Variants in MYO5B observed in about 807,000 individuals in gnomAD.
The protein encoded by MYO5B is myosin VB, also known as unconventional myosin-Vb.
In MYO5B, 143 loss-of-function variants were observed where a neutral mutation model predicts 229.3. That is an observed-to-expected ratio of 0.62 (90% CI 0.54 to 0.72). MYO5B has a LOEUF of 0.72. Ranked by LOEUF, MYO5B falls within the 30% of genes least tolerant of loss-of-function variation. The pLI is 0.00. For synonymous variants in MYO5B, 918 were observed against 885.2 expected (o/e 1.04, Z -0.66); for missense variants, 2,321 against 2,331.0 (o/e 1.00, Z 0.09).
intron 7 of MYO5B, among the ~76,000 whole-genome samples, chr18:49,989,972 C>T (rs1444570121): frequency 6.6e-6 from 1 of 152,200 alleles, no homozygotes; most frequent in African/African-American, 2.4e-5. Context: ...CATACTGCAT[C>T]CATATGGCTC....
intron 21 of MYO5B, among the ~76,000 whole-genome samples, chr18:49,901,858 A>G (rs911369825): frequency 1.3e-5 from 2 of 152,190 alleles, no homozygotes; most frequent in East Asian, 1.9e-4. Context: ...AGTGTCTTCA[A>G]TTGTACAAAA....
intron 4 of MYO5B, among the ~76,000 whole-genome samples, chr18:50,013,730 C>T (rs2026186584): frequency 6.6e-6 from 1 of 152,236 alleles, no homozygotes; most frequent in African/African-American, 2.4e-5. Flanking sequence ...TTCTACCCGA[C>T]TTCAAGATCA....
intron 1 of MYO5B, among the ~76,000 whole-genome samples, chr18:50,057,475 C>T (rs2030578637): frequency 1.3e-5 from 2 of 151,692 alleles, no homozygotes; most frequent in South Asian, 2.1e-4. Context: ...TTGTGTAGAT[C>T]CTGGAAGCCA....
chr18:49,963,402 TA>T (rs1423615731), intron 10 of MYO5B, among the ~76,000 whole-genome samples: 5 of 144,528 alleles, frequency 3.5e-5, no homozygotes, highest in Admixed American at 1.4e-4. Context: ...TTATTTAATT[TA>T]ATTAATTAAT....
chr18:49,883,966 G>T (rs372113300), intron 22 of MYO5B, among the ~76,000 whole-genome samples: 3 of 152,164 alleles, frequency 2.0e-5, no homozygotes, highest in African/African-American at 7.2e-5. Flanking sequence ...AACTCAAAAT[G>T]CATTAAAGAC....
Position 49,826,528 on chromosome 18 carries a change from G to A in MYO5B, c.5490C>T (p.Thr1830=), listed in dbSNP as rs771033104. The change falls in exon 40 of 40, where the codon ACC becomes ACT. Residue 1830 remains threonine (T), a synonymous_variant. Coordinates refer to ENST00000285039, the MANE Select transcript of MYO5B (RefSeq NM_001080467.3). ...ACGCTGGGATGTGGATTGAGTCCAT[G>A]GTTAGAGAAGATGGATTAAATGGAA... ...VLFPFNPSSL[T]MDSIHIPACL... is the part of the protein sequence containing the mutation. 2 of 1,614,032 alleles carry A rather than the reference G, an allele frequency of 1.2e-6. No individual in the cohort carries two copies. Among genetic ancestry groups the A allele is most frequent in the South Asian group, 2.2e-5 (2 of 91,062 alleles).
At chr18:49,874,800 A>G (rs2024497984) in intron 26 of MYO5B, among the ~76,000 whole-genome samples, 2 of 152,140 alleles carry the variant, frequency 1.3e-5, no homozygotes, top group Admixed American at 1.3e-4. Flanking sequence ...TTGGCCTTGT[A>G]CCCTTTAGAA....
At chr18:50,058,499 A>T (rs541877580) in intron 1 of MYO5B, among the ~76,000 whole-genome samples, 1 of 151,884 alleles carries the variant, frequency 6.6e-6, no homozygotes, top group Admixed American at 6.5e-5. Context: ...CAGAGACCCT[A>T]TGGTTCAAAG....
intron 1 of MYO5B, among the ~76,000 whole-genome samples, chr18:50,179,667 T>G (rs1054633027): frequency 2.6e-5 from 4 of 152,158 alleles, no homozygotes; most frequent in African/African-American, 7.2e-5. Context: ...CAGAAGGCAA[T>G]GCACCCCTGC....
At chr18:50,151,686 A>G (rs920985552) in intron 1 of MYO5B, among the ~76,000 whole-genome samples, 3 of 152,178 alleles carry the variant, frequency 2.0e-5, no homozygotes, top group Non-Finnish European at 4.4e-5. Context: ...CCCTTCTTCT[A>G]AAACACTGAA....
At chr18:49,835,737 A>G (rs917506209) in intron 38 of MYO5B, among the ~76,000 whole-genome samples, 78 of 152,332 alleles carry the variant, frequency 5.1e-4, no homozygotes, top group African/African-American at 1.8e-3. Flanking sequence ...CCTCAGCCTC[A>G]TATCTACTAG....
chr18:50,170,012 T>C (rs2032903696), intron 1 of MYO5B, among the ~76,000 whole-genome samples: 1 of 127,944 alleles, frequency 7.8e-6, no homozygotes, highest in African/African-American at 3.0e-5. Flanking sequence ...TAGGGTTTTC[T>C]GTTACAGCCA....
chr18:50,044,647 G>A (rs1419246994), intron 2 of MYO5B, among the ~76,000 whole-genome samples: 1 of 152,130 alleles, frequency 6.6e-6, no homozygotes, highest in Non-Finnish European at 1.5e-5. Context: ...CAGCAGGGTA[G>A]CCCCGAGCCC....
chr18:49,966,688 ACACTGGTAG>A (rs2025629806), intron 10 of MYO5B, among the ~76,000 whole-genome samples: 1 of 152,228 alleles, frequency 6.6e-6, no homozygotes, highest in Non-Finnish European at 1.5e-5. Flanking sequence ...CTAAAGGTTT[ACACTGGTAG>A]CACTCCACAA....
intron 32 of MYO5B, among the ~76,000 whole-genome samples, chr18:49,847,989 C>T (rs1437266501): frequency 6.6e-6 from 1 of 152,214 alleles, no homozygotes; most frequent in Non-Finnish European, 1.5e-5. Flanking sequence ...GGTATAAAGG[C>T]CTGGTCAACC....
At chr18:49,852,650 C>T (rs929382105) in intron 31 of MYO5B, among the ~76,000 whole-genome samples, 1 of 152,046 alleles carries the variant, frequency 6.6e-6, no homozygotes, top group African/African-American at 2.4e-5. Context: ...AGAAGGTGAT[C>T]GGCACTGCTG....
intron 1 of MYO5B, among the ~76,000 whole-genome samples, chr18:50,104,385 A>C (rs2031717529): frequency 6.6e-6 from 1 of 151,680 alleles, no homozygotes; most frequent in African/African-American, 2.4e-5. Context: ...AAATGTTTTT[A>C]CTTAGTTTAT....
At chr18:49,872,349 C>T in intron 26 of MYO5B, 117 bp from the exon 27 acceptor site, 1 of 939,294 alleles carries the variant, frequency 1.1e-6, no homozygotes, top group Non-Finnish European at 1.8e-6. Flanking sequence ...CCAACACCCC[C>T]ACCCTCCACA....
chr18:49,904,599 GT>G, intron 20 of MYO5B, 72 bp downstream of exon 20: 1 of 1,585,168 alleles, frequency 6.3e-7, no homozygotes, highest in Non-Finnish European at 8.7e-7. Flanking sequence ...AGAGGTTCAC[GT>G]TGGCAGTAAT....
Sources: gnomAD v4.1 joint callset for allele counts (sites outside exome capture counted in the v4.1 genomes callset) on GRCh38, gnomAD v4.1.1 for gene constraint, MANE v1.5 for transcripts, NCBI Gene and HGNC (gene_info 2026-07-23, HGNC 2026-07-21) for gene names.